ZNF536: variants seen among roughly 807,000 people sequenced by gnomAD.
ZNF536 encodes the protein zinc finger protein 536.
ZNF536 carries 13 observed loss-of-function variants against 84.5 expected under a neutral mutation model. That is an observed-to-expected ratio of 0.15 (90% CI 0.10 to 0.24). The LOEUF (loss-of-function observed/expected upper bound fraction) is 0.24. ZNF536 is among the 10% of genes least tolerant of loss of function. The pLI is 1.00. For missense variants in ZNF536, 1,536 were observed against 1,747.5 expected, an observed-to-expected ratio of 0.88 and a Z score of 2.16; for synonymous variants, 811 against 742.5, an observed-to-expected ratio of 1.09 and a Z score of -1.50.
intron 2 of ZNF536, among the ~76,000 whole-genome samples, chr19:30,347,390 T>C (rs1600320736): frequency 6.6e-6 from 1 of 152,160 alleles, no homozygotes; most frequent in African/African-American, 2.4e-5. Flanking sequence ...TTGATAGAGG[T>C]GGATATCTGC....
rs574152954 is a variant in ZNF536, at chr19:30,266,423, A to G, written c.-189-17649A>G. Among the ~76,000 whole-genome samples, 17 of 152,298 alleles carry G rather than the reference A, an allele frequency of 1.1e-4. No individual in the cohort carries two copies. The South Asian group carries it at 3.5e-3, about 32-fold the overall frequency. Reference sequence around the variant, plus strand: ...TGTGGCCTGTCATCCAGAAAGACCAAGAATTCTTCCCTGTGGTTTGGACCC... The same window carrying G: ...TGTGGCCTGTCATCCAGAAAGACCAGGAATTCTTCCCTGTGGTTTGGACCC... On this transcript the variant is annotated intron_variant, in intron 1 of 5. Coordinates refer to the ZNF536 transcript ENST00000585628.
intron 1 of ZNF536, among the ~76,000 whole-genome samples, chr19:30,628,369 A>G (rs2048763273): frequency 6.6e-6 from 1 of 151,286 alleles, no homozygotes; most frequent in Non-Finnish European, 1.5e-5. Context: ...ACAGCTCTGC[A>G]CCGAGGAGGA....
chr19:30,604,682 T>C (rs1358244091), intron 1 of ZNF536, among the ~76,000 whole-genome samples: 1 of 152,200 alleles, frequency 6.6e-6, no homozygotes, highest in African/African-American at 2.4e-5. Context: ...CAATAAAACT[T>C]GTCAACAAAT....
chr19:30,446,798 TA>T (rs113621992), intron 2 of ZNF536, among the ~76,000 whole-genome samples: 35 of 137,478 alleles, frequency 2.5e-4, no homozygotes, highest in Non-Finnish European at 3.8e-4. Flanking sequence ...TGGCCCAGTT[TA>T]AAAAAAAAAC....
chr19:30,301,754 T>C (rs2046193333), intron 2 of ZNF536, among the ~76,000 whole-genome samples: 1 of 152,128 alleles, frequency 6.6e-6, no homozygotes, highest in African/African-American at 2.4e-5. Context: ...TGCATTTGGA[T>C]TGACAACTAT....
At chr19:30,519,078 G>A (rs958652970) in intron 2 of ZNF536, among the ~76,000 whole-genome samples, 4 of 152,234 alleles carry the variant, frequency 2.6e-5, no homozygotes, top group African/African-American at 9.6e-5. Flanking sequence ...TACCCAGGCA[G>A]AACGAACGGC....
chr19:30,331,245 C>T (rs1370628671), intron 2 of ZNF536, among the ~76,000 whole-genome samples: 4 of 135,176 alleles, frequency 3.0e-5, no homozygotes, highest in Non-Finnish European at 6.1e-5. Flanking sequence ...GATCACACCA[C>T]TGCACTCCAC....
intron 1 of ZNF536, among the ~76,000 whole-genome samples, chr19:30,604,806 C>G (rs1363717780): frequency 6.6e-6 from 1 of 152,138 alleles, no homozygotes; most frequent in Non-Finnish European, 1.5e-5. Context: ...GAGTGACTGG[C>G]CTGAGGTTGC....
At chr19:30,322,996 C>T (rs1000899205) in intron 2 of ZNF536, among the ~76,000 whole-genome samples, 1 of 152,142 alleles carries the variant, frequency 6.6e-6, no homozygotes, top group Non-Finnish European at 1.5e-5. Flanking sequence ...TCTTGCCATC[C>T]CATTGACTGG....
At chr19:30,504,676 T>C (rs1018689866) in intron 2 of ZNF536, among the ~76,000 whole-genome samples, 1 of 150,138 alleles carries the variant, frequency 6.7e-6, no homozygotes, top group African/African-American at 2.5e-5. Context: ...CTCCCTTCTT[T>C]CCATTCTTCC....
At chr19:30,455,119 CTGT>C (rs1006815364) in intron 2 of ZNF536, among the ~76,000 whole-genome samples, 3 of 152,174 alleles carry the variant, frequency 2.0e-5, no homozygotes, top group Admixed American at 6.5e-5. Context: ...CTTTATGATG[CTGT>C]TGTTGTTCAA....
intron 2 of ZNF536, among the ~76,000 whole-genome samples, chr19:30,488,563 A>G (rs538945453): frequency 7.4e-6 from 1 of 135,610 alleles, no homozygotes; most frequent in Non-Finnish European, 1.5e-5. Flanking sequence ...TATTTTTTTA[A>G]TTAAAAAAAA....
chr19:30,563,454 G>A (rs1206761442), intron 1 of ZNF536, among the ~76,000 whole-genome samples: 2 of 152,116 alleles, frequency 1.3e-5, no homozygotes, highest in Non-Finnish European at 2.9e-5. Context: ...GTGGCCAATC[G>A]GTGGCCCAGA....
At chr19:30,542,808 T>C (rs1169581954) in intron 3 of ZNF536, among the ~76,000 whole-genome samples, 1 of 152,146 alleles carries the variant, frequency 6.6e-6, no homozygotes, top group African/African-American at 2.4e-5. Flanking sequence ...ACCTCATAGA[T>C]ATGACACTTT....
downstream of ZNF536, among the ~76,000 whole-genome samples, chr19:30,562,242 G>A (rs781080519): frequency 3.3e-5 from 5 of 152,058 alleles, no homozygotes; most frequent in African/African-American, 7.2e-5. Context: ...GACTCCTCCG[G>A]ACCCTGTCAG....
At chr19:30,363,904 G>C (rs1333795436) in intron 3 of ZNF536, among the ~76,000 whole-genome samples, 1 of 152,114 alleles carries the variant, frequency 6.6e-6, no homozygotes, top group East Asian at 1.9e-4. Context: ...GCAGGGGTTT[G>C]TCAGATGCAT....
rs371134262 is a variant in ZNF536 at position 30,443,558 on chromosome 19, C to T, written c.-2-3C>T. 2 of 1,529,734 alleles carry T rather than the reference C, an allele frequency of 1.3e-6. No homozygotes were observed. The highest frequency in any genetic ancestry group is 1.8e-6 in the Non-Finnish European group (2 of 1,140,844). The allele number at this position is 1,529,734 out of a possible 1,614,324, so 94.8% of individuals were successfully genotyped here. On this transcript the variant is annotated splice_region_variant and splice_polypyrimidine_tract_variant and intron_variant, in intron 1 of 4. Transcript: ENST00000355537. ...CGGATCTGAACTCTGCCTCTCTTTT[C>T]AGGGATGGAAGAAGCGAGCCTGTGC... is the stretch of plus-strand genomic sequence containing the variant.
Position 30,443,826 on chromosome 19 carries a change from G to A in ZNF536, c.264G>A (p.Leu88=), listed in dbSNP as rs143675889. ...GSQMALLANQ[L]GREVDTSLNG... ...AGATGGCGCTCCTGGCCAACCAGCT[G>A]GGCCGGGAGGTGGACACCAGCCTCA... Residue 88 remains leucine (L), a synonymous_variant, in exon 2 of 5, where the codon CTG becomes CTA. Coordinates refer to ENST00000355537, the MANE Select transcript of ZNF536 (RefSeq NM_014717.3). The A allele has an allele frequency of 1.7e-4, 279 of 1,613,238 alleles. 2 individuals carry two copies. Among genetic ancestry groups the A allele is most frequent in the South Asian group, 7.7e-4 (70 of 91,066 alleles).
intron 2 of ZNF536, among the ~76,000 whole-genome samples, chr19:30,491,567 C>T (rs373416938): frequency 2.2e-4 from 33 of 152,192 alleles, no homozygotes; most frequent in Non-Finnish European, 4.3e-4. Flanking sequence ...CCTCCCCTCC[C>T]GGCAGTCCTA....
Sources: allele counts gnomAD v4.1 joint callset (sites outside exome capture counted in the v4.1 genomes callset), GRCh38; gene constraint gnomAD v4.1.1; transcripts MANE v1.5; gene names NCBI Gene and HGNC (gene_info 2026-07-23, HGNC 2026-07-21).